FUT8: variants seen among roughly 807,000 people sequenced by gnomAD.
FUT8 encodes alpha-(1,6)-fucosyltransferase.
FUT8 carries 29 observed loss-of-function variants against 71.3 expected under a neutral mutation model. The observed-to-expected ratio is 0.41, with a 90% CI of 0.30 to 0.55. FUT8 has a LOEUF of 0.55. Ranked by LOEUF, FUT8 falls within the 20% of genes least tolerant of loss-of-function variation. FUT8 has a pLI of 0.34. For synonymous variants in FUT8, 254 were observed against 239.3 expected (o/e 1.06, Z -0.57); for missense variants, 544 against 702.1 (o/e 0.77, Z 2.55).
chr14:65,567,728 A>G (rs1285378537), intron 3 of FUT8, among the ~76,000 whole-genome samples: 1 of 152,054 alleles, frequency 6.6e-6, no homozygotes, highest in South Asian at 2.1e-4. Flanking sequence ...CCCTGAGAAC[A>G]TTACAGTGGG....
intron 7 of FUT8, among the ~76,000 whole-genome samples, chr14:65,682,867 G>T (rs1468241616): frequency 6.6e-6 from 1 of 152,088 alleles, no homozygotes; most frequent in Non-Finnish European, 1.5e-5. Context: ...CTGATAGAGG[G>T]TGCTTCAGTG....
chr14:65,507,916 A>G (rs1479344925), intron 2 of FUT8, among the ~76,000 whole-genome samples: 2 of 152,150 alleles, frequency 1.3e-5, no homozygotes, highest in African/African-American at 4.8e-5. Flanking sequence ...TTACATTCCC[A>G]CCAACAGTGT....
In FUT8 at chr14:65,603,758, A is replaced by T. The variant is rs185118795; in HGVS notation, c.204-12220A>T. Among the ~76,000 whole-genome samples, 53 of 151,950 alleles carry T rather than the reference A, an allele frequency of 3.5e-4. No individual in the cohort carries two copies. The highest frequency in any genetic ancestry group is 1.2e-4 in the Non-Finnish European group (8 of 67,904). ...AGGACGATGAATGGAATAGTACCTC[A>T]CATCTTAATGTTAATATTGAATGTA... On this transcript the variant is annotated intron_variant, in intron 3 of 10. Transcript: ENST00000673929. This position sits in a 1 kb window ranked among gnomAD's most constrained non-coding sequence, Gnocchi z 4.5.
At chr14:65,579,430 T>C (rs1886959328) in intron 3 of FUT8, among the ~76,000 whole-genome samples, 1 of 152,218 alleles carries the variant, frequency 6.6e-6, no homozygotes, top group Non-Finnish European at 1.5e-5. Flanking sequence ...CTTTGTTATA[T>C]GGATATATCT....
intron 3 of FUT8, among the ~76,000 whole-genome samples, chr14:65,575,582 T>TCCTTCTTTCCTTCCTTCCTTC (rs35174023): frequency 6.9e-5 from 5 of 72,752 alleles, no homozygotes; most frequent in Admixed American, 1.5e-4. Context: ...CTTCCTTCCT[T>TCCTTCTTTCCTTCCTTCCTTC]CTTCCTTCCT....
chr14:65,629,842 A>ACACG (rs1890090908), intron 6 of FUT8, among the ~76,000 whole-genome samples: 1 of 151,158 alleles, frequency 6.6e-6, no homozygotes, highest in Admixed American at 6.7e-5. Context: ...ACACACACAC[A>ACACG]CACACACACA....
chr14:65,387,381 G>A, the FUT8 span, among the ~76,000 whole-genome samples: 249 of 152,246 alleles, frequency 1.6e-3, 1 homozygote, highest in Middle Eastern at 3.4e-3. Flanking sequence ...CTGCGTGATT[G>A]CCAGTAACCG....
chr14:65,714,736 T>C (rs1313854191), intron 7 of FUT8, among the ~76,000 whole-genome samples: 4 of 152,220 alleles, frequency 2.6e-5, no homozygotes, highest in Admixed American at 2.6e-4. Flanking sequence ...TTTCCTTTTT[T>C]TGGTGTCCTC....
chr14:65,559,298 G>C (rs1439825194), intron 2 of FUT8, among the ~76,000 whole-genome samples: 2 of 152,074 alleles, frequency 1.3e-5, no homozygotes, highest in Non-Finnish European at 1.5e-5. Flanking sequence ...TGTAGTTTTA[G>C]TATTCTTGAT....
intron 6 of FUT8, among the ~76,000 whole-genome samples, chr14:65,641,864 T>C (rs1027582570): frequency 6.6e-6 from 1 of 152,036 alleles, no homozygotes; most frequent in Non-Finnish European, 1.5e-5. Flanking sequence ...TGCCTATTTT[T>C]TAATTGGGAT....
chr14:65,368,611 T>C, the FUT8 span, among the ~76,000 whole-genome samples: 1 of 134,744 alleles, frequency 7.4e-6, no homozygotes, highest in Non-Finnish European at 1.6e-5. Flanking sequence ...AAGCTCCGCC[T>C]TCCGGGTTCA....
chr14:65,413,632 G>A lies in FUT8; in HGVS notation c.-326+418G>A, dbSNP rs377076123. On this transcript the variant is annotated intron_variant, in intron 1 of 10. Coordinates refer to ENST00000673929, the MANE Select transcript of FUT8 (RefSeq NM_001371533.1). The surrounding 1 kb of genome is among the most constrained non-coding windows in gnomAD (Gnocchi z 4.1). ...CTCGGTCCCTGGAGTCGCGGTTTGT[G>A]GGGAGGAAGATGCCCGTGCGTTATG... Among the ~76,000 whole-genome samples, 3 of 152,206 alleles carry A rather than the reference G, an allele frequency of 2.0e-5. No individual in the cohort carries two copies. Among genetic ancestry groups the A allele is most frequent in the Admixed American group, 1.3e-4 (2 of 15,288 alleles).
intron 7 of FUT8, among the ~76,000 whole-genome samples, chr14:65,712,612 T>C (rs1307693978): frequency 6.6e-6 from 1 of 152,120 alleles, no homozygotes; most frequent in Non-Finnish European, 1.5e-5. Flanking sequence ...ACCCGGCTAA[T>C]TTTTGTATTT....
rs11625670 is a variant in FUT8, at chr14:65,489,732, A to C, written c.-228+34014A>C. ...AGAAAATGTATTTGGAATTACATTAAAAAGGATTCTATGTTTTGTTTATTG... is the reference window on the plus strand; with the variant it reads ...AGAAAATGTATTTGGAATTACATTACAAAGGATTCTATGTTTTGTTTATTG... On this transcript the variant is annotated intron_variant, in intron 2 of 10. Coordinates refer to ENST00000673929, the MANE Select transcript of FUT8 (RefSeq NM_001371533.1). This position sits in a 1 kb window ranked among gnomAD's most constrained non-coding sequence, Gnocchi z 4.0. Among the ~76,000 whole-genome samples the C allele has an allele frequency of 0.033, 4,950 of 152,246 alleles. 157 individuals are homozygous for C. Among genetic ancestry groups the C allele is most frequent in the Admixed American group, 0.1 (1,555 of 15,296 alleles).
intron 2 of FUT8, among the ~76,000 whole-genome samples, chr14:65,526,147 A>T (rs1319520070): frequency 6.6e-6 from 1 of 152,096 alleles, no homozygotes; most frequent in Non-Finnish European, 1.5e-5. Context: ...GATCTGTCTG[A>T]TGTTGACAGT....
At chr14:65,703,649 G>A (rs1280396654) in intron 7 of FUT8, among the ~76,000 whole-genome samples, 1 of 152,232 alleles carries the variant, frequency 6.6e-6, no homozygotes, top group East Asian at 1.9e-4. Context: ...CACAATGGAA[G>A]CAGAGGCAGC....
chr14:65,456,745 C>T (rs776198403), intron 2 of FUT8, among the ~76,000 whole-genome samples: 2 of 151,474 alleles, frequency 1.3e-5, no homozygotes, highest in Non-Finnish European at 2.9e-5. Flanking sequence ...TGGTGGTTCA[C>T]GTCTGTAGTC....
At chr14:65,732,383 A>G (rs375509892) in intron 9 of FUT8, among the ~76,000 whole-genome samples, 2 of 152,210 alleles carry the variant, frequency 1.3e-5, no homozygotes, top group East Asian at 1.9e-4. Flanking sequence ...CTGTGATGCA[A>G]AGAAAAATAA....
intron 1 of FUT8, among the ~76,000 whole-genome samples, chr14:65,424,006 A>G (rs955924795): frequency 1.3e-5 from 2 of 152,224 alleles, no homozygotes; most frequent in Non-Finnish European, 2.9e-5. Flanking sequence ...TACAGTACGT[A>G]TCAAGCAATT....
Sources: gnomAD v4.1 joint callset for allele counts (sites outside exome capture counted in the v4.1 genomes callset) on GRCh38, gnomAD v4.1.1 for gene constraint, Gnocchi (gnomAD v3.1) non-coding constraint, MANE v1.5 for transcripts, NCBI Gene and HGNC (gene_info 2026-07-23, HGNC 2026-07-21) for gene names.